Variants in NLRC3 observed in about 807,000 individuals in gnomAD.
NLRC3 encodes NLR family CARD domain-containing protein 3.
NLRC3 carries 87 observed loss-of-function variants against 91.6 expected under a neutral mutation model. The ratio of observed to expected loss-of-function variants is 0.95; its 90% CI spans 0.80 to 1.14. The LOEUF is 1.14. Ranked by LOEUF, NLRC3 falls within the 50% of genes most tolerant of loss-of-function variation. NLRC3 has a pLI of 0.00. For missense variants in NLRC3, 1,577 were observed against 1,418.6 expected, an observed-to-expected ratio of 1.11 and a Z score of -1.79; for synonymous variants, 694 against 625.3, an observed-to-expected ratio of 1.11 and a Z score of -1.64.
intron 5 of NLRC3, among the ~76,000 whole-genome samples, chr16:3,562,487 A>G (rs931474194): frequency 6.6e-6 from 1 of 152,114 alleles, no homozygotes; most frequent in African/African-American, 2.4e-5. Flanking sequence ...CTAAAAACAC[A>G]AAAATTAGCC....
intron 9 of NLRC3, among the ~76,000 whole-genome samples, chr16:3,553,385 G>A (rs2039112693): frequency 6.6e-6 from 1 of 152,200 alleles, no homozygotes; most frequent in African/African-American, 2.4e-5. Context: ...ATTAGGCTAG[G>A]TATCTGGCTT....
At position 3,540,179 on chromosome 16, in the gene NLRC3, G is replaced by A. The variant is rs981457300; in HGVS notation, c.*1646C>T. 1.3e-5 allele frequency: 2 copies of A among 152,168 alleles called. No individual in the cohort carries two copies. Among genetic ancestry groups the A allele is most frequent in the African/African-American group, 2.4e-5 (1 of 41,438 alleles). 9.4% of individuals were successfully genotyped at this position (152,168 alleles called of 1,614,324 possible). A position where few individuals can be genotyped will look rare whatever the true frequency, so the allele number is the denominator to read the frequency against. ...TTGTAAATTAGGATATCACCTTTGT[G>A]GGGTGCCGTTTTGAGACTGCAAGGA... On this transcript the variant is annotated 3_prime_UTR_variant, in exon 20 of 20. Transcript: ENST00000359128.
chr16:3,549,654 C>T (rs535050675), intron 12 of NLRC3, 43 bp downstream of exon 12: 49 of 1,414,100 alleles, frequency 3.5e-5, no homozygotes, highest in Non-Finnish European at 4.6e-5. Flanking sequence ...ACAGGTGCCT[C>T]GTCAAAGAAA....
At chr16:3,569,949 G>A (rs1457442223) in intron 1 of NLRC3, among the ~76,000 whole-genome samples, 1 of 152,152 alleles carries the variant, frequency 6.6e-6, no homozygotes, top group Non-Finnish European at 1.5e-5. Flanking sequence ...ACTGTGTTCT[G>A]CATATTCTGT....
At chr16:3,576,797 G>A (rs993904952) in intron 1 of NLRC3, among the ~76,000 whole-genome samples, 1 of 152,092 alleles carries the variant, frequency 6.6e-6, no homozygotes, top group African/African-American at 2.4e-5. Context: ...CGACTAGCTG[G>A]GTGGGATTAC....
At chr16:3,569,142 C>A (rs1231426268) in intron 1 of NLRC3, among the ~76,000 whole-genome samples, 1 of 151,732 alleles carries the variant, frequency 6.6e-6, no homozygotes, top group Non-Finnish European at 1.5e-5. Context: ...GGCGGAACCC[C>A]ATCTCTACTA....
At chr16:3,571,844 G>A (rs780113630) in intron 1 of NLRC3, among the ~76,000 whole-genome samples, 16 of 151,688 alleles carry the variant, frequency 1.1e-4, no homozygotes, top group Non-Finnish European at 2.4e-4. Context: ...GGAGGCTGAG[G>A]CAGGAGAATC....
chr16:3,552,334 G>T, intron 9 of NLRC3, 55 bp from the exon 10 acceptor site: 1 of 1,293,226 alleles, frequency 7.7e-7, no homozygotes, highest in Non-Finnish European at 1.1e-6. Context: ...CCATTCCCAG[G>T]CCAAGGACGG....
intron 1 of NLRC3, among the ~76,000 whole-genome samples, chr16:3,570,447 G>C (rs2040059918): frequency 6.6e-6 from 1 of 152,204 alleles, no homozygotes. Context: ...TCAAGTCCTT[G>C]ACCTGCGGTT....
chr16:3,563,878 C>T lies in NLRC3; in HGVS notation c.1059G>A (p.Glu353=), dbSNP rs770130330. ...WRSRTGPQDA[E]LWPPRTLCEL... ...CGCACAGGGTCCTCGGGGGCCACAG[C>T]TCTGCATCCTGGGGCCCCGTCCTGC... The change falls in exon 5 of 20, where the codon GAG becomes GAA. Residue 353 remains glutamate, a synonymous_variant. Coordinates refer to ENST00000359128, the MANE Select transcript of NLRC3 (RefSeq NM_178844.4). 6.2e-7 allele frequency: 1 copy of T among 1,601,366 alleles called. No homozygotes were observed. The highest frequency in any genetic ancestry group is 8.5e-7 in the Non-Finnish European group (1 of 1,174,138).
In NLRC3 at chr16:3,564,244, G is replaced by A. The variant is rs779800362; in HGVS notation, c.693C>T (p.Ser231=). ...LDECRTPLDF[S]NTVACTDPKK... ...TTGGGTCCGTGCAGGCCACGGTGTTGGAGAAGTCCAGAGGCGTCCTGCACT... is the reference window on the plus strand; with the variant it reads ...TTGGGTCCGTGCAGGCCACGGTGTTAGAGAAGTCCAGAGGCGTCCTGCACT... The change falls in exon 5 of 20, where the codon TCC becomes TCT. Residue 231 remains serine, a synonymous_variant. Transcript: ENST00000359128. This position sits in a 1 kb window ranked among gnomAD's most constrained non-coding sequence, Gnocchi z 5.9. 1.9e-5 allele frequency: 31 copies of A among 1,612,952 alleles called. No homozygotes were observed. In the East Asian group the frequency reaches 2.0e-4, roughly 10 times the overall value.
At chr16:3,544,606 A>C in intron 15 of NLRC3, 1 of 407,400 alleles carries the variant, frequency 2.5e-6, no homozygotes. Flanking sequence ...TGGGACCCAA[A>C]AGGGGATGCT....
chr16:3,547,073 C>A (rs2038728270), intron 15 of NLRC3, among the ~76,000 whole-genome samples: 1 of 152,214 alleles, frequency 6.6e-6, no homozygotes. Flanking sequence ...AAGGAAAGCT[C>A]ACGTCCACAC....
chr16:3,563,766 G>A lies in NLRC3; in HGVS notation c.1171C>T (p.His391Tyr), dbSNP rs1474609154. The A allele has an allele frequency of 6.2e-7, 1 of 1,613,262 alleles. No homozygotes were observed. Among genetic ancestry groups the A allele is most frequent in the Non-Finnish European group, 8.5e-7 (1 of 1,179,682 alleles). ...KASPRIEQVAHGGRKMVGTLG... is the reference protein window; with the variant it reads ...KASPRIEQVAYGGRKMVGTLG... ...GTCCCCACCATCTTGCGGCCACCATGGGCCACCTGCTCGATGCGAGGGCTT... is the reference window on the plus strand; with the variant it reads ...GTCCCCACCATCTTGCGGCCACCATAGGCCACCTGCTCGATGCGAGGGCTT... The change falls in exon 5 of 20, where the codon CAT becomes TAT. Residue 391 changes from histidine (H) to tyrosine (Y), a missense_variant. By Grantham distance (83) the His-to-Tyr change is moderately conservative. Transcript: ENST00000359128.
In NLRC3 at chr16:3,563,187, C is replaced by A; in HGVS notation, c.1750G>T (p.Glu584Ter). The A allele has an allele frequency of 6.3e-7, 1 of 1,594,426 alleles. No homozygotes were observed. Among genetic ancestry groups the A allele is most frequent in the Non-Finnish European group, 8.5e-7 (1 of 1,172,938 alleles). ...AGGGCCCCGCTCTCCATGGCCTCCTCCACGCTGCGGGCCAGCTCGGTGTGC... is the reference window on the plus strand; with the variant it reads ...AGGGCCCCGCTCTCCATGGCCTCCTACACGCTGCGGGCCAGCTCGGTGTGC... ...LQHTELARSV[E>*]EAMESGALAR... Residue 584 changes from glutamate to a stop codon, truncating the protein, a stop_gained, in exon 5 of 20, where the codon GAG becomes TAG. Coordinates refer to ENST00000359128, the MANE Select transcript of NLRC3 (RefSeq NM_178844.4). LOFTEE classifies it high-confidence loss of function.
chr16:3,548,306 G>A, intron 14 of NLRC3, 88 bp from the exon 15 acceptor site: 1 of 1,020,086 alleles, frequency 9.8e-7, no homozygotes. Flanking sequence ...GGCAGGAGGT[G>A]GAATCCCTGC....
intron 1 of NLRC3, among the ~76,000 whole-genome samples, chr16:3,575,366 C>G (rs954758488): frequency 1.3e-5 from 2 of 152,196 alleles, no homozygotes; most frequent in African/African-American, 4.8e-5. Context: ...AGTGAGGTCG[C>G]GAGGCCGCAG....
Position 3,542,205 on chromosome 16 carries a change from C to A in NLRC3, c.3093G>T (p.Arg1031Ser), listed in dbSNP as rs1355978468. 7 of 1,585,750 alleles carry A rather than the reference C, an allele frequency of 4.4e-6. No homozygotes were observed. The highest frequency in any genetic ancestry group is 6.0e-6 in the Non-Finnish European group (7 of 1,164,892). ...CIATALSGNH[R>S]LQHINLQGNH... ...GGTGCACTCACTTGATATGCTGGAG[C>A]CTGTGGTTTCCAGACAGTGCTGTGG... Residue 1031 changes from arginine to serine, a missense_variant, in exon 19 of 20, where the codon AGG (arginine) becomes AGT (serine). Arg to Ser is a moderately radical substitution (Grantham distance 110). Transcript: ENST00000359128.
chr16:3,539,774 C>T lies in NLRC3; in HGVS notation c.*2051G>A, dbSNP rs1417499248. 6.6e-6 allele frequency: 1 copy of T among 152,228 alleles called. No individual in the cohort carries two copies. Among genetic ancestry groups the T allele is most frequent in the Non-Finnish European group, 1.5e-5 (1 of 68,040 alleles). The allele number at this position is 152,228 out of a possible 1,614,324, so 9.4% of individuals were successfully genotyped here. On this transcript the variant is annotated 3_prime_UTR_variant, in exon 20 of 20. Transcript: ENST00000359128. The stretch of plus-strand genomic sequence containing the variant: ...GTTTTGTTTTATTTCCCAGCTACTA[C>T]AAGTGATCCAAATGTTCTTTATAGC...
Sources: gnomAD v4.1 joint callset for allele counts (sites outside exome capture counted in the v4.1 genomes callset) on GRCh38, gnomAD v4.1.1 for gene constraint, Gnocchi (gnomAD v3.1) non-coding constraint, MANE v1.5 for transcripts, NCBI Gene and HGNC (gene_info 2026-07-23, HGNC 2026-07-21) for gene names.